Variants in PTPRD observed in about 807,000 individuals in gnomAD.
The protein encoded by PTPRD is receptor-type tyrosine-protein phosphatase delta.
A neutral mutation model predicts 214.5 loss-of-function variants in PTPRD; 34 were observed. The ratio of observed to expected loss-of-function variants is 0.16; its 90% CI spans 0.12 to 0.21. PTPRD has a LOEUF of 0.21. Among genes scored for constraint, PTPRD ranks in the 10% least tolerant of loss-of-function variants. The pLI, the probability that PTPRD is intolerant of heterozygous loss-of-function variation, is 1.00. For missense variants in PTPRD, 2,545 were observed against 2,398.7 expected (o/e 1.06, Z -1.27); for synonymous variants, 1,128 against 845.7 (o/e 1.33, Z -5.79).
At chr9:9,335,439 G>A (rs1174934384) in intron 9 of PTPRD, among the ~76,000 whole-genome samples, 2 of 151,960 alleles carry the variant, frequency 1.3e-5, no homozygotes, top group Admixed American at 6.6e-5. Flanking sequence ...TTCTCACTAC[G>A]TGTTTTTAAC....
chr9:8,883,165 A>G (rs1013485062), intron 11 of PTPRD, among the ~76,000 whole-genome samples: 1 of 152,190 alleles, frequency 6.6e-6, no homozygotes, highest in East Asian at 1.9e-4. Flanking sequence ...TACACATATT[A>G]ATTCTAATTC....
chr9:10,273,440 G>A (rs898707864), intron 3 of PTPRD, among the ~76,000 whole-genome samples: 21 of 151,958 alleles, frequency 1.4e-4, no homozygotes, highest in Non-Finnish European at 2.1e-4. Context: ...CATTAGATAT[G>A]GTATATTAGA....
At chr9:9,260,613 T>C (rs1341926622) in intron 9 of PTPRD, among the ~76,000 whole-genome samples, 3 of 151,762 alleles carry the variant, frequency 2.0e-5, no homozygotes, top group Non-Finnish European at 4.4e-5. Context: ...AGGATAGGGT[T>C]GTTGAAACTG....
At chr9:10,487,966 GTCTC>G (rs56372955) in intron 2 of PTPRD, among the ~76,000 whole-genome samples, 24,073 of 110,130 alleles carry the variant, frequency 0.22, 2,505 homozygotes, top group East Asian at 0.37. Flanking sequence ...AATGAACACA[GTCTC>G]TCTCTCTCTC....
intron 9 of PTPRD, among the ~76,000 whole-genome samples, chr9:9,306,593 A>C (rs1008965253): frequency 1.4e-5 from 2 of 147,234 alleles, no homozygotes; most frequent in African/African-American, 5.0e-5. Flanking sequence ...AAAAAAATCC[A>C]TCTTTTCTTT....
intron 9 of PTPRD, among the ~76,000 whole-genome samples, chr9:9,340,043 T>C (rs2046169168): frequency 6.6e-6 from 1 of 152,094 alleles, no homozygotes; most frequent in African/African-American, 2.4e-5. Context: ...ACATTAGCAA[T>C]ACAAAGTCTC....
At position 8,644,110 on chromosome 9, in the gene PTPRD, C is replaced by T. The variant is rs149996982; in HGVS notation, c.65-7266G>A. 1.2e-3 allele frequency among the ~76,000 whole-genome samples: 188 copies of T among 152,260 alleles called. 2 individuals carry two copies. The highest frequency in any genetic ancestry group is 3.8e-3 in the African/African-American group (160 of 41,562). Reference sequence around the variant, plus strand: ...TGGGACAACCAGCTGCAAAAAGGCACGACTCTCTCTGTTGTTAGCTGAACA... The same window carrying T: ...TGGGACAACCAGCTGCAAAAAGGCATGACTCTCTCTGTTGTTAGCTGAACA... On this transcript the variant is annotated intron_variant, in intron 12 of 45. Coordinates refer to ENST00000381196, the MANE Select transcript of PTPRD (RefSeq NM_002839.4).
At chr9:8,526,533 G>T in intron 17 of PTPRD, 94 bp downstream of exon 17, 3 of 1,135,256 alleles carry the variant, frequency 2.6e-6, no homozygotes, top group Non-Finnish European at 3.6e-6. Flanking sequence ...GGACATTATT[G>T]GAATGACGCT....
intron 12 of PTPRD, among the ~76,000 whole-genome samples, chr9:8,666,538 T>C (rs750096355): frequency 1.6e-4 from 24 of 152,212 alleles, no homozygotes; most frequent in Non-Finnish European, 2.1e-4. Context: ...AGCAATAAAA[T>C]TGAAGCCAAA....
intron 2 of PTPRD, among the ~76,000 whole-genome samples, chr9:10,447,913 A>T (rs1423538127): frequency 3.9e-5 from 6 of 152,040 alleles, no homozygotes; most frequent in African/African-American, 1.2e-4. Flanking sequence ...AGCACAACCT[A>T]TGTGCTGAGA....
intron 2 of PTPRD, among the ~76,000 whole-genome samples, chr9:10,487,078 T>C (rs1487750163): frequency 3.3e-5 from 5 of 152,204 alleles, no homozygotes; most frequent in Non-Finnish European, 7.3e-5. Flanking sequence ...TCTCTTTTTA[T>C]AGTTTGTCTT....
At chr9:9,024,675 C>T (rs1721786450) in intron 10 of PTPRD, among the ~76,000 whole-genome samples, 1 of 151,620 alleles carries the variant, frequency 6.6e-6, no homozygotes, top group African/African-American at 2.4e-5. Context: ...GTTACCAGTT[C>T]TGTTGAAAAG....
At chr9:8,946,323 AC>A (rs2099063937) in intron 11 of PTPRD, among the ~76,000 whole-genome samples, 1 of 151,676 alleles carries the variant, frequency 6.6e-6, no homozygotes, top group East Asian at 1.9e-4. Context: ...AACGGAGACC[AC>A]CCCCCCACCA....
At chr9:10,349,687 T>C (rs891627175) in intron 2 of PTPRD, among the ~76,000 whole-genome samples, 1 of 152,192 alleles carries the variant, frequency 6.6e-6, no homozygotes, top group African/African-American at 2.4e-5. Flanking sequence ...TTAGGCTTAA[T>C]TTAAAAATAA....
chr9:10,098,820 C>G (rs1022696387), intron 3 of PTPRD, among the ~76,000 whole-genome samples: 1 of 151,660 alleles, frequency 6.6e-6, no homozygotes, highest in African/African-American at 2.4e-5. Context: ...TGGTTAACTG[C>G]GGTACTGGAA....
chr9:9,291,332 G>C (rs1304601414), intron 9 of PTPRD, among the ~76,000 whole-genome samples: 1 of 151,412 alleles, frequency 6.6e-6, no homozygotes, highest in Non-Finnish European at 1.5e-5. Flanking sequence ...GGAAATTTGA[G>C]AGACTGCTTT....
chr9:9,412,728 C>G (rs1483989446), intron 8 of PTPRD, among the ~76,000 whole-genome samples: 1 of 152,086 alleles, frequency 6.6e-6, no homozygotes, highest in Non-Finnish European at 1.5e-5. Context: ...ATGGAATTCT[C>G]TGTTCTCATG....
At chr9:9,979,345 T>C (rs539927786) in intron 4 of PTPRD, among the ~76,000 whole-genome samples, 2 of 152,158 alleles carry the variant, frequency 1.3e-5, no homozygotes, top group East Asian at 1.9e-4. Context: ...TTAAACCCAA[T>C]AATAATTTCA....
chr9:10,562,545 G>A (rs992072906), intron 2 of PTPRD, among the ~76,000 whole-genome samples: 4 of 151,950 alleles, frequency 2.6e-5, no homozygotes, highest in African/African-American at 4.8e-5. Flanking sequence ...GAAACATCTT[G>A]AAATCCTGAA....
Sources: allele counts gnomAD v4.1 joint callset (sites outside exome capture counted in the v4.1 genomes callset), GRCh38; gene constraint gnomAD v4.1.1; transcripts MANE v1.5; gene names NCBI Gene and HGNC (gene_info 2026-07-23, HGNC 2026-07-21).